The following DACH1 variants were observed in gnomAD, a reference collection of about 807,000 sequenced individuals.
DACH1 encodes the protein dachshund family transcription factor 1.
In DACH1, 12 loss-of-function variants were observed where a neutral mutation model predicts 54.2. The observed-to-expected ratio is 0.22, with a 90% CI of 0.14 to 0.36. The LOEUF (loss-of-function observed/expected upper bound fraction) is 0.36, where lower values mean the gene tolerates loss of function less well. DACH1 is among the 10% of genes least tolerant of loss of function. DACH1 has a pLI of 1.00. For missense variants in DACH1, 805 were observed against 929.8 expected (o/e 0.87, Z 1.75); for synonymous variants, 386 against 366.2 (o/e 1.05, Z -0.62).
At chr13:71,815,810 G>A (rs903452690) in intron 1 of DACH1, among the ~76,000 whole-genome samples, 5 of 152,192 alleles carry the variant, frequency 3.3e-5, no homozygotes, top group Non-Finnish European at 5.9e-5. Context: ...CAGAGGCCGG[G>A]CGCGGTGGCT....
At chr13:71,805,524 G>A (rs1195723809) in intron 1 of DACH1, among the ~76,000 whole-genome samples, 1 of 152,102 alleles carries the variant, frequency 6.6e-6, no homozygotes, top group African/African-American at 2.4e-5. Context: ...CTGCTGTCAC[G>A]GCTGGTAGGA....
chr13:71,784,797 C>G (rs1033952151), intron 1 of DACH1, among the ~76,000 whole-genome samples: 18 of 152,064 alleles, frequency 1.2e-4, no homozygotes, highest in Non-Finnish European at 1.9e-4. Context: ...TAATCAGGTT[C>G]CCCAGCCTTC....
intron 6 of DACH1, among the ~76,000 whole-genome samples, chr13:71,508,585 G>C (rs1239000550): frequency 6.6e-6 from 1 of 151,712 alleles, no homozygotes; most frequent in Non-Finnish European, 1.5e-5. Flanking sequence ...TCCCACCTCA[G>C]CCTCCTAAGG....
chr13:71,734,980 G>T (rs200026772), intron 1 of DACH1, among the ~76,000 whole-genome samples: 1 of 144,452 alleles, frequency 6.9e-6, no homozygotes, highest in African/African-American at 2.6e-5. Flanking sequence ...ACACACACAG[G>T]ATATATATAT....
intron 1 of DACH1, among the ~76,000 whole-genome samples, chr13:71,798,575 T>C (rs922433585): frequency 1.8e-4 from 28 of 151,994 alleles, no homozygotes; most frequent in African/African-American, 6.5e-4. Context: ...TTTAAATATG[T>C]TAATATTTCT....
intron 2 of DACH1, among the ~76,000 whole-genome samples, chr13:71,643,307 T>C (rs1180293585): frequency 2.6e-5 from 4 of 152,210 alleles, no homozygotes; most frequent in Non-Finnish European, 4.4e-5. Flanking sequence ...ACAAAGAGTT[T>C]CAAAAGCTTT....
At chr13:71,468,168 AAAAGT>A (rs930446631) in intron 10 of DACH1, among the ~76,000 whole-genome samples, 9 of 152,348 alleles carry the variant, frequency 5.9e-5, no homozygotes, top group Admixed American at 5.9e-4. Flanking sequence ...CCAAAAAGGG[AAAAGT>A]AAATTACATA....
chr13:71,750,254 T>G (rs1195000986), intron 1 of DACH1, among the ~76,000 whole-genome samples: 1 of 152,164 alleles, frequency 6.6e-6, no homozygotes, highest in African/African-American at 2.4e-5. Context: ...TACACTCTCT[T>G]TGCATGCCAG....
At chr13:71,450,628 AT>A (rs1277936225) in intron 10 of DACH1, among the ~76,000 whole-genome samples, 1 of 152,140 alleles carries the variant, frequency 6.6e-6, no homozygotes, top group Non-Finnish European at 1.5e-5. Context: ...TGAAGAAGGC[AT>A]GTCAAAGTCC....
rs185675660 is a variant in DACH1 at position 71,692,932 on chromosome 13, C to T, written c.849-11022G>A. Among the ~76,000 whole-genome samples, 426 of 152,174 alleles carry T rather than the reference C, an allele frequency of 2.8e-3. 1 individual carries two copies. Among genetic ancestry groups the T allele is most frequent in the African/African-American group, 9.6e-3 (400 of 41,518 alleles). On this transcript the variant is annotated intron_variant, in intron 1 of 10. Transcript: ENST00000613252. ...TACATAGACAAAATCTGAATCTAAT[C>T]AAAAATGAATCCATCTCCCCTTCAA...
intron 3 of DACH1, among the ~76,000 whole-genome samples, chr13:71,584,807 C>T (rs1481171772): frequency 2.6e-5 from 4 of 151,874 alleles, no homozygotes; most frequent in Admixed American, 2.6e-4. Flanking sequence ...TAAGTTAACC[C>T]TGCATATTGG....
At chr13:71,622,209 C>T (rs1368442770) in intron 3 of DACH1, among the ~76,000 whole-genome samples, 1 of 151,870 alleles carries the variant, frequency 6.6e-6, no homozygotes, top group Non-Finnish European at 1.5e-5. Flanking sequence ...AATATTTGTA[C>T]AACTGAGAGA....
chr13:71,533,587 T>A (rs1004869474), intron 6 of DACH1, among the ~76,000 whole-genome samples: 2 of 152,212 alleles, frequency 1.3e-5, no homozygotes, highest in South Asian at 4.1e-4. Context: ...TTTTCTTCAG[T>A]ACCTTTTCTA....
chr13:71,517,346 C>T (rs1881237815), intron 6 of DACH1, among the ~76,000 whole-genome samples: 1 of 151,912 alleles, frequency 6.6e-6, no homozygotes, highest in African/African-American at 2.4e-5. Flanking sequence ...ATTAACTCAA[C>T]TGCCACTTTT....
In DACH1 at chr13:71,544,538, C is replaced by G. The variant is rs562208674; in HGVS notation, c.1570+12486G>C. 5.3e-5 allele frequency among the ~76,000 whole-genome samples: 8 copies of G among 152,108 alleles called. No individual in the cohort carries two copies. In the South Asian group the frequency reaches 1.7e-3, roughly 32 times the overall value. Reference sequence around the variant, plus strand: ...TAAAAAAATAATGCTGTTAAGAAATCATTTACTGTGATTTTACTTAAATGT... The same window carrying G: ...TAAAAAAATAATGCTGTTAAGAAATGATTTACTGTGATTTTACTTAAATGT... On this transcript the variant is annotated intron_variant, in intron 6 of 10. Transcript: ENST00000613252.
chr13:71,591,451 T>C (rs1388967339), intron 3 of DACH1, among the ~76,000 whole-genome samples: 1 of 152,182 alleles, frequency 6.6e-6, no homozygotes, highest in African/African-American at 2.4e-5. Flanking sequence ...AAATCTTAAA[T>C]ATATATGCAA....
intron 7 of DACH1, among the ~76,000 whole-genome samples, chr13:71,483,570 A>G (rs1429155645): frequency 1.4e-5 from 2 of 147,768 alleles, no homozygotes; most frequent in African/African-American, 4.9e-5. Context: ...AATTATAATT[A>G]AAATTATATA....
At chr13:71,727,054 G>A (rs553901328) in intron 1 of DACH1, among the ~76,000 whole-genome samples, 20 of 151,866 alleles carry the variant, frequency 1.3e-4, no homozygotes, top group African/African-American at 4.6e-4. Context: ...CTGATTTTCC[G>A]CTTTTGTAAA....
intron 1 of DACH1, among the ~76,000 whole-genome samples, chr13:71,852,122 G>A (rs907597089): frequency 6.6e-6 from 1 of 152,164 alleles, no homozygotes; most frequent in Non-Finnish European, 1.5e-5. Context: ...TCCACACTAT[G>A]ACAGACAAAA....
Sources: gnomAD v4.1 joint callset for allele counts (sites outside exome capture counted in the v4.1 genomes callset) on GRCh38, gnomAD v4.1.1 for gene constraint, MANE v1.5 for transcripts, NCBI Gene and HGNC (gene_info 2026-07-23, HGNC 2026-07-21) for gene names.